Variants in SNX9 observed in about 807,000 individuals in gnomAD.
SNX9 encodes sorting nexin-9.
Under a neutral mutation model 89.4 loss-of-function variants are expected in SNX9, and 44 were observed. The observed-to-expected ratio is 0.49, with a 90% CI of 0.39 to 0.63. The LOEUF is 0.63. SNX9 is among the 30% of genes least tolerant of loss of function. The pLI is 0.00. For missense variants in SNX9, 578 were observed against 736.1 expected (o/e 0.79, Z 2.49); for synonymous variants, 236 against 247.8 (o/e 0.95, Z 0.45).
In SNX9 at chr6:157,837,513, A is replaced by G. The variant is rs527345676; in HGVS notation, c.12+14067A>G. On this transcript the variant is annotated intron_variant, in intron 1 of 17. Coordinates refer to ENST00000392185, the MANE Select transcript of SNX9 (RefSeq NM_016224.5). ...TTGTGTAAATCCAGTTTTTAATGTTATTTGTGTGGTAAGTACCCATACCTA... is the reference window on the plus strand; with the variant it reads ...TTGTGTAAATCCAGTTTTTAATGTTGTTTGTGTGGTAAGTACCCATACCTA... Among the ~76,000 whole-genome samples the G allele has an allele frequency of 7.0e-4, 106 of 152,282 alleles. 1 individual carries two copies. The highest frequency in any genetic ancestry group is 2.3e-3 in the African/African-American group (95 of 41,550).
intron 1 of SNX9, among the ~76,000 whole-genome samples, chr6:157,853,533 G>A (rs1315613956): frequency 6.6e-6 from 1 of 151,958 alleles, no homozygotes; most frequent in Non-Finnish European, 1.5e-5. Context: ...CACTTTTTCT[G>A]TCTTCCCCTC....
Position 157,909,921 on chromosome 6 carries a change from C to T in SNX9, c.845C>T (p.Ser282Phe). ...YQLTPTNTNR[S>F]VNHRYKHFDW... ...CTTATTTTGTAGAACACTAATCGAT[C>T]TGTAAACCACAGGTATAAGCACTTT... Residue 282 changes from serine to phenylalanine, a missense_variant, in exon 9 of 18, where the codon TCT becomes TTT. Coordinates refer to ENST00000392185, the MANE Select transcript of SNX9 (RefSeq NM_016224.5). 1 of 1,614,112 alleles carries T rather than the reference C, an allele frequency of 6.2e-7. No homozygotes were observed. Among genetic ancestry groups the T allele is most frequent in the Non-Finnish European group, 8.5e-7 (1 of 1,180,000 alleles).
Position 157,879,842 on chromosome 6 carries a change from C to T in SNX9, c.300+4666C>T, listed in dbSNP as rs112016911. ...GATTACTGCTTCTTTAGAGTACTTACTTTTGAGAAATTAATAGAAAGTTTT... is the reference window on the plus strand; with the variant it reads ...GATTACTGCTTCTTTAGAGTACTTATTTTTGAGAAATTAATAGAAAGTTTT... On this transcript the variant is annotated intron_variant, in intron 4 of 17. Transcript: ENST00000392185. Among the ~76,000 whole-genome samples the T allele has an allele frequency of 3.2e-3, 489 of 152,282 alleles. 2 individuals are homozygous for T. Among genetic ancestry groups the T allele is most frequent in the Non-Finnish European group, 4.8e-3 (329 of 68,016 alleles).
chr6:157,927,708 T>A (rs1369093901), intron 11 of SNX9, among the ~76,000 whole-genome samples: 1 of 150,300 alleles, frequency 6.7e-6, no homozygotes, highest in Admixed American at 6.6e-5. Context: ...GCGTGGTTTT[T>A]AATTTTAAGC....
intron 7 of SNX9, among the ~76,000 whole-genome samples, chr6:157,908,196 A>G (rs970947776): frequency 2.6e-5 from 4 of 151,994 alleles, no homozygotes; most frequent in Non-Finnish European, 5.9e-5. Context: ...CCTTCAGCGC[A>G]ATCTGTGTGA....
intron 4 of SNX9, among the ~76,000 whole-genome samples, chr6:157,878,469 G>A (rs1203924545): frequency 6.8e-6 from 1 of 146,234 alleles, no homozygotes; most frequent in African/African-American, 2.6e-5. Context: ...TCGCTCAGTC[G>A]CTCAGGCTGG....
chr6:157,899,904 TGCGC>T (rs955302112), intron 5 of SNX9, among the ~76,000 whole-genome samples: 1 of 152,052 alleles, frequency 6.6e-6, no homozygotes, highest in African/African-American at 2.4e-5. Context: ...TGTGTGTGTG[TGCGC>T]GTGTATATGT....
intron 12 of SNX9, 85 bp from the exon 13 acceptor site, chr6:157,932,110 G>A: frequency 8.4e-7 from 1 of 1,191,390 alleles, no homozygotes; most frequent in Admixed American, 1.8e-5. Context: ...CACTTCAAAA[G>A]TTACTGTAAT....
intron 4 of SNX9, among the ~76,000 whole-genome samples, chr6:157,877,917 T>G (rs77910651): frequency 0.02 from 3,106 of 152,316 alleles, 95 homozygotes; most frequent in African/African-American, 0.071. Context: ...GAGTGTCGTA[T>G]TTTTCTTTAA....
intron 6 of SNX9, among the ~76,000 whole-genome samples, chr6:157,903,028 C>T (rs1380109100): frequency 1.3e-5 from 2 of 152,130 alleles, no homozygotes; most frequent in African/African-American, 4.8e-5. Flanking sequence ...AGCATGTGGG[C>T]ACCAGTGACC....
intron 1 of SNX9, among the ~76,000 whole-genome samples, chr6:157,848,328 G>C (rs1781842528): frequency 6.6e-6 from 1 of 152,138 alleles, no homozygotes; most frequent in African/African-American, 2.4e-5. Context: ...TGGCTCTGAT[G>C]GCTTTAAGCA....
intron 17 of SNX9, among the ~76,000 whole-genome samples, chr6:157,941,560 A>G (rs748647997): frequency 3.3e-5 from 5 of 152,222 alleles, no homozygotes; most frequent in Admixed American, 6.5e-5. Flanking sequence ...ATCTAGTAGC[A>G]TGTCTCCCTC....
chr6:157,823,566 C>G lies in SNX9; in HGVS notation c.12+120C>G. On this transcript the variant is annotated intron_variant, in intron 1 of 17. Coordinates refer to ENST00000392185, the MANE Select transcript of SNX9 (RefSeq NM_016224.5). The surrounding 1 kb of genome is among the most constrained non-coding windows in gnomAD (Gnocchi z 4.6). The stretch of plus-strand genomic sequence containing the variant: ...GGGTGGTCGAGGGGCCACTCCGCTT[C>G]CTCGGTGGAGTCCCCGGGCGGGTCC... 1.1e-6 allele frequency: 1 copy of G among 874,104 alleles called. No homozygotes were observed. 54.1% of individuals were successfully genotyped at this position (874,104 alleles called of 1,614,324 possible).
chr6:157,940,854 ACTGATTGATGTT>A lies in SNX9; in HGVS notation c.1649-22_1649-11del. On this transcript the variant is annotated splice_polypyrimidine_tract_variant and intron_variant, in intron 16 of 17. Transcript: ENST00000392185. ...TTGTCATTTGAAAACTTGAGGGAAA[ACTGATTGATGTT>A]CTGATTTGGGTTGTAGCTGAGATGA... 1 of 1,603,508 alleles carries A rather than the reference ACTGATTGATGTT, an allele frequency of 6.2e-7. No individual in the cohort carries two copies.
chr6:157,826,975 TATATTATA>T (rs1781375007), intron 1 of SNX9, among the ~76,000 whole-genome samples: 1 of 52,326 alleles, frequency 1.9e-5, no homozygotes, highest in East Asian at 4.2e-4. Flanking sequence ...TATATACATA[TATATTATA>T]GTTTATATAA....
At chr6:157,843,576 C>T (rs1781743885) in intron 1 of SNX9, among the ~76,000 whole-genome samples, 1 of 152,102 alleles carries the variant, frequency 6.6e-6, no homozygotes, top group Non-Finnish European at 1.5e-5. Context: ...ATAGAAGAAA[C>T]GGTGCATGTA....
intron 1 of SNX9, among the ~76,000 whole-genome samples, chr6:157,841,315 C>T (rs1781698270): frequency 6.6e-6 from 1 of 152,092 alleles, no homozygotes; most frequent in Admixed American, 6.5e-5. Flanking sequence ...GAAGGGCATC[C>T]CCCAATGATT....
At chr6:157,865,994 T>C (rs769931718) in intron 1 of SNX9, among the ~76,000 whole-genome samples, 8 of 152,216 alleles carry the variant, frequency 5.3e-5, no homozygotes, top group African/African-American at 7.2e-5. Flanking sequence ...GCGCATGTGA[T>C]CCCCAGTTTA....
chr6:157,834,149 G>GGTTT (rs1781528486), intron 1 of SNX9, among the ~76,000 whole-genome samples: 3 of 60,086 alleles, frequency 5.0e-5, no homozygotes, highest in Non-Finnish European at 6.5e-5. Flanking sequence ...TGTCCACTGT[G>GGTTT]GTTTTTTTTT....
Sources: allele counts gnomAD v4.1 joint callset (sites outside exome capture counted in the v4.1 genomes callset), GRCh38; gene constraint gnomAD v4.1.1; non-coding constraint Gnocchi (gnomAD v3.1); transcripts MANE v1.5; gene names NCBI Gene and HGNC (gene_info 2026-07-23, HGNC 2026-07-21).